PRKN: variants seen among roughly 807,000 people sequenced by gnomAD.
PRKN encodes the protein parkin RBR E3 ubiquitin protein ligase, also known as E3 ubiquitin-protein ligase parkin.
A neutral mutation model predicts 59.5 loss-of-function variants in PRKN; 56 were observed. The ratio of observed to expected loss-of-function variants is 0.94; its 90% CI spans 0.76 to 1.18. PRKN has a LOEUF of 1.18. Ranked by LOEUF, PRKN falls within the 50% of genes most tolerant of loss-of-function variation. The pLI, the probability that PRKN is intolerant of heterozygous loss-of-function variation, is 0.00. For missense variants in PRKN, 657 were observed against 596.4 expected, an observed-to-expected ratio of 1.10 and a Z score of -1.06; for synonymous variants, 250 against 222.1, an observed-to-expected ratio of 1.13 and a Z score of -1.12.
chr6:162,167,653 A>G (rs952456203), intron 4 of PRKN, among the ~76,000 whole-genome samples: 2 of 151,912 alleles, frequency 1.3e-5, no homozygotes, highest in Non-Finnish European at 2.9e-5. Flanking sequence ...AGGACAAATA[A>G]GATGACGTAC....
At chr6:161,992,655 C>G (rs994883758) in intron 5 of PRKN, among the ~76,000 whole-genome samples, 3 of 152,178 alleles carry the variant, frequency 2.0e-5, no homozygotes, top group Admixed American at 6.5e-5. Flanking sequence ...ACACTTTCTT[C>G]TCATCGGCAC....
At chr6:162,393,210 A>AGTGCAATG (rs1787303413) in intron 2 of PRKN, among the ~76,000 whole-genome samples, 2 of 125,808 alleles carry the variant, frequency 1.6e-5, no homozygotes, top group East Asian at 2.6e-4. Flanking sequence ...CCCAGGCTGG[A>AGTGCAATG]GTGCAATGGT....
intron 2 of PRKN, among the ~76,000 whole-genome samples, chr6:162,360,900 A>C (rs150944299): frequency 6.6e-6 from 1 of 152,240 alleles, no homozygotes; most frequent in Non-Finnish European, 1.5e-5. Context: ...TTGAGAGACA[A>C]CATGGATGAA....
chr6:161,967,789 C>T (rs1780637490), intron 6 of PRKN, among the ~76,000 whole-genome samples: 1 of 152,084 alleles, frequency 6.6e-6, no homozygotes, highest in Non-Finnish European at 1.5e-5. Context: ...AGCATTTATG[C>T]ATTTTCCTTA....
At chr6:162,167,478 T>C (rs1176290038) in intron 4 of PRKN, among the ~76,000 whole-genome samples, 1 of 152,188 alleles carries the variant, frequency 6.6e-6, no homozygotes, top group Non-Finnish European at 1.5e-5. Context: ...TAAGGAAGTC[T>C]ATCCAAGGAA....
chr6:162,034,506 C>T (rs1783766964), intron 5 of PRKN, among the ~76,000 whole-genome samples: 1 of 152,044 alleles, frequency 6.6e-6, no homozygotes, highest in African/African-American at 2.4e-5. Context: ...CATTTCCTTC[C>T]TATCTGTTTT....
chr6:161,685,008 G>T (rs189591195), intron 7 of PRKN, among the ~76,000 whole-genome samples: 1 of 152,286 alleles, frequency 6.6e-6, no homozygotes, highest in East Asian at 1.9e-4. Flanking sequence ...TGGTTAACAT[G>T]ATATCATTGA....
At chr6:162,211,827 T>C (rs955520645) in intron 3 of PRKN, among the ~76,000 whole-genome samples, 15 of 152,302 alleles carry the variant, frequency 9.8e-5, no homozygotes, top group African/African-American at 3.4e-4. Flanking sequence ...TCATTTCTAG[T>C]ATTGATTTCC....
intron 1 of PRKN, among the ~76,000 whole-genome samples, chr6:162,480,143 C>T (rs988021366): frequency 6.6e-6 from 1 of 152,028 alleles, no homozygotes; most frequent in Non-Finnish European, 1.5e-5. Flanking sequence ...TTTCTAATCA[C>T]GTACTATACA....
At chr6:161,597,256 T>C (rs1436499445) in intron 7 of PRKN, among the ~76,000 whole-genome samples, 1 of 152,178 alleles carries the variant, frequency 6.6e-6, no homozygotes, top group African/African-American at 2.4e-5. Context: ...TCTGGACTTC[T>C]CATAACTAAA....
intron 7 of PRKN, among the ~76,000 whole-genome samples, chr6:161,722,777 T>C (rs1787279551): frequency 6.6e-6 from 1 of 152,232 alleles, no homozygotes; most frequent in African/African-American, 2.4e-5. Flanking sequence ...TGCCTCTTAT[T>C]TAAGGAATTG....
intron 7 of PRKN, among the ~76,000 whole-genome samples, chr6:161,580,622 G>T (rs1045491375): frequency 6.6e-6 from 1 of 151,012 alleles, no homozygotes; most frequent in Non-Finnish European, 1.5e-5. Flanking sequence ...GACTACAGGC[G>T]CCCTCCACCA....
chr6:161,832,215 C>G (rs1258337934), intron 6 of PRKN, among the ~76,000 whole-genome samples: 1 of 152,140 alleles, frequency 6.6e-6, no homozygotes, highest in Non-Finnish European at 1.5e-5. Flanking sequence ...TTTTAAAACT[C>G]AAAATAAGCA....
chr6:161,992,412 C>T (rs1781685382), intron 5 of PRKN, among the ~76,000 whole-genome samples: 1 of 152,104 alleles, frequency 6.6e-6, no homozygotes, highest in Non-Finnish European at 1.5e-5. Flanking sequence ...AAGGATGTAA[C>T]AATTCTAAAT....
intron 9 of PRKN, among the ~76,000 whole-genome samples, chr6:161,512,740 G>A (rs116578328): frequency 0.014 from 2,167 of 152,254 alleles, 17 homozygotes; most frequent in Middle Eastern, 0.037. Context: ...GAGCAAACGC[G>A]GAGAGGCAAG....
chr6:161,651,520 G>A (rs1298253935), intron 7 of PRKN, among the ~76,000 whole-genome samples: 1 of 152,122 alleles, frequency 6.6e-6, no homozygotes, highest in Admixed American at 6.5e-5. Flanking sequence ...TTTTCACTAT[G>A]ATATCTTTAG....
intron 6 of PRKN, among the ~76,000 whole-genome samples, chr6:161,905,042 C>G (rs565398221): frequency 3.9e-5 from 6 of 152,078 alleles, no homozygotes; most frequent in Non-Finnish European, 7.4e-5. Flanking sequence ...AAGTTTGGTC[C>G]CCACCTTGAA....
chr6:162,498,177 T>TA (rs1793157276), intron 1 of PRKN, among the ~76,000 whole-genome samples: 2 of 152,090 alleles, frequency 1.3e-5, no homozygotes, highest in African/African-American at 4.8e-5. Flanking sequence ...AAGGGATTTG[T>TA]GCTTATTGCT....
At chr6:162,002,791 T>C (rs1782107477) in intron 5 of PRKN, among the ~76,000 whole-genome samples, 1 of 151,810 alleles carries the variant, frequency 6.6e-6, no homozygotes, top group Admixed American at 6.6e-5. Flanking sequence ...CTCAAAACAC[T>C]GCTTTCACTG....
Sources: allele counts gnomAD v4.1 joint callset (sites outside exome capture counted in the v4.1 genomes callset), GRCh38; gene constraint gnomAD v4.1.1; transcripts MANE v1.5; gene names NCBI Gene and HGNC (gene_info 2026-07-23, HGNC 2026-07-21).